NEGR1: variants seen among roughly 807,000 people sequenced by gnomAD.
NEGR1 encodes the protein IgLON family member 4.
In NEGR1, 10 loss-of-function variants were observed where a neutral mutation model predicts 40.9. The observed-to-expected ratio is 0.24, with a 90% CI of 0.15 to 0.42. The LOEUF is 0.42. NEGR1 is among the 10% of genes least tolerant of loss of function. The probability of loss-of-function intolerance (pLI) is 1.00; values close to 1 mark genes in which losing one functional copy is unlikely to be tolerated. For missense variants in NEGR1, 352 were observed against 438.9 expected, an observed-to-expected ratio of 0.80 and a Z score of 1.77; for synonymous variants, 185 against 166.8, an observed-to-expected ratio of 1.11 and a Z score of -0.84.
chr1:71,919,261 C>A (rs1276604891), intron 2 of NEGR1, among the ~76,000 whole-genome samples: 1 of 152,068 alleles, frequency 6.6e-6, no homozygotes, highest in African/African-American at 2.4e-5. Flanking sequence ...ATAATCAAAC[C>A]CAAGCTGATC....
intron 3 of NEGR1, among the ~76,000 whole-genome samples, chr1:71,698,975 T>C (rs955850000): frequency 6.6e-6 from 1 of 151,800 alleles, no homozygotes; most frequent in East Asian, 1.9e-4. Context: ...TTATCAGAAG[T>C]GTGGCAAAGG....
At chr1:72,209,231 C>A (rs1286950736) in intron 1 of NEGR1, among the ~76,000 whole-genome samples, 2 of 151,438 alleles carry the variant, frequency 1.3e-5, no homozygotes, top group Non-Finnish European at 3.0e-5. Flanking sequence ...TATATGATCT[C>A]ATTTATAACA....
chr1:71,565,534 G>T (rs897070694), intron 6 of NEGR1, among the ~76,000 whole-genome samples: 4 of 152,096 alleles, frequency 2.6e-5, no homozygotes, highest in African/African-American at 7.2e-5. Flanking sequence ...TCCTCATCAA[G>T]AACTCAGGCC....
At chr1:71,698,190 C>G in intron 3 of NEGR1, 51 bp from the exon 4 acceptor site, 1 of 1,528,478 alleles carries the variant, frequency 6.5e-7, no homozygotes, top group Non-Finnish European at 8.9e-7. Flanking sequence ...AGGCTTCATT[C>G]AAGTAAAACA....
At chr1:72,021,368 G>T (rs1646754957) in intron 1 of NEGR1, among the ~76,000 whole-genome samples, 2 of 152,058 alleles carry the variant, frequency 1.3e-5, no homozygotes, top group Admixed American at 1.3e-4. Flanking sequence ...AAGTTAAAAT[G>T]ATGAAAGAAT....
intron 2 of NEGR1, among the ~76,000 whole-genome samples, chr1:71,878,286 A>C (rs1660488830): frequency 6.6e-6 from 1 of 152,170 alleles, no homozygotes; most frequent in African/African-American, 2.4e-5. Context: ...CTCTGAATTA[A>C]GTGCTTTCAT....
At chr1:72,246,536 C>T (rs923523815) in intron 1 of NEGR1, among the ~76,000 whole-genome samples, 9 of 152,200 alleles carry the variant, frequency 5.9e-5, no homozygotes, top group African/African-American at 1.9e-4. Flanking sequence ...TAAACTTTGA[C>T]CACCTTAAGA....
intron 1 of NEGR1, among the ~76,000 whole-genome samples, chr1:72,043,139 T>C (rs2100460735): frequency 6.6e-6 from 1 of 152,040 alleles, no homozygotes; most frequent in South Asian, 2.1e-4. Flanking sequence ...CCTGGCCTAG[T>C]CCATGAAGCC....
At chr1:71,569,295 G>A (rs1354609677) in intron 6 of NEGR1, among the ~76,000 whole-genome samples, 4 of 152,064 alleles carry the variant, frequency 2.6e-5, no homozygotes, top group Non-Finnish European at 2.9e-5. Context: ...TTAGATAAAT[G>A]AATGAATCAC....
intron 6 of NEGR1, among the ~76,000 whole-genome samples, chr1:71,448,456 G>C (rs767885272): frequency 6.6e-6 from 1 of 152,066 alleles, no homozygotes; most frequent in African/African-American, 2.4e-5. Context: ...AAAATTAGCC[G>C]TGCATGGTGG....
chr1:71,625,116 C>A (rs1026358080), intron 4 of NEGR1, among the ~76,000 whole-genome samples: 5 of 152,012 alleles, frequency 3.3e-5, no homozygotes, highest in African/African-American at 1.2e-4. Flanking sequence ...TAATTTCATT[C>A]ACCTTTGCTG....
chr1:72,107,719 A>AGTGTATATATGTACATATATATGTAT (rs1371335365), intron 1 of NEGR1, among the ~76,000 whole-genome samples: 3 of 151,410 alleles, frequency 2.0e-5, no homozygotes, highest in South Asian at 2.1e-4. Context: ...CACAGACTTA[A>AGTGTATATATGTACATATATATGTAT]GTGTATATAT....
In NEGR1 at chr1:72,251,865, C is replaced by T. The variant is rs116348705; in HGVS notation, c.176+30454G>A. Among the ~76,000 whole-genome samples, 1,421 of 152,100 alleles carry T rather than the reference C, an allele frequency of 9.3e-3. 30 individuals are homozygous for T. Among genetic ancestry groups the T allele is most frequent in the African/African-American group, 0.033 (1,358 of 41,480 alleles). On this transcript the variant is annotated intron_variant, in intron 1 of 6. Coordinates refer to ENST00000357731, the MANE Select transcript of NEGR1 (RefSeq NM_173808.3). ...GGCAATTTTTATTTGTTCTACAGGG[C>T]ACATTTTGGCCAAACTTACTTGTTT...
At chr1:71,561,241 T>A (rs1648447701) in intron 6 of NEGR1, among the ~76,000 whole-genome samples, 1 of 151,628 alleles carries the variant, frequency 6.6e-6, no homozygotes, top group Admixed American at 6.6e-5. Context: ...CTAACAAAGA[T>A]CAATGTCTTA....
chr1:72,190,971 T>G (rs1308076873), intron 1 of NEGR1, among the ~76,000 whole-genome samples: 1 of 151,692 alleles, frequency 6.6e-6, no homozygotes, highest in East Asian at 1.9e-4. Context: ...TTTTTTGTCA[T>G]TTTGCTGGTT....
intron 5 of NEGR1, among the ~76,000 whole-genome samples, chr1:71,603,106 AC>A (rs1221715820): frequency 1.0e-3 from 154 of 152,372 alleles, no homozygotes; most frequent in African/African-American, 3.7e-3. Context: ...CAATTCAAGA[AC>A]TTTTCTTTCC....
chr1:71,704,959 C>CA (rs200965076), intron 3 of NEGR1, among the ~76,000 whole-genome samples: 29 of 146,088 alleles, frequency 2.0e-4, no homozygotes, highest in Admixed American at 6.8e-4. Context: ...ATTGTGTTAC[C>CA]AAAAAAAAAA....
chr1:72,211,043 A>G (rs1210419810), intron 1 of NEGR1, among the ~76,000 whole-genome samples: 1 of 151,780 alleles, frequency 6.6e-6, no homozygotes, highest in Non-Finnish European at 1.5e-5. Flanking sequence ...TTGTACATCA[A>G]TTATACCTCC....
chr1:71,719,208 G>T (rs529758349), intron 3 of NEGR1, among the ~76,000 whole-genome samples: 5 of 152,166 alleles, frequency 3.3e-5, no homozygotes, highest in Non-Finnish European at 7.4e-5. Flanking sequence ...GATATATGAG[G>T]CTTAATAAAA....
Sources: gnomAD v4.1 joint callset for allele counts (sites outside exome capture counted in the v4.1 genomes callset) on GRCh38, gnomAD v4.1.1 for gene constraint, MANE v1.5 for transcripts, NCBI Gene and HGNC (gene_info 2026-07-23, HGNC 2026-07-21) for gene names.